The following CSMD1 variants were observed in gnomAD, a reference collection of about 807,000 sequenced individuals.
The protein encoded by CSMD1 is CUB and sushi domain-containing protein 1.
CSMD1 carries 213 observed loss-of-function variants against 417.5 expected under a neutral mutation model. The observed-to-expected ratio is 0.51, with a 90% CI of 0.46 to 0.57. The LOEUF is 0.57. Among genes scored for constraint, CSMD1 ranks in the 20% least tolerant of loss-of-function variants. The pLI, the probability that CSMD1 is intolerant of heterozygous loss-of-function variation, is 0.00. For missense variants in CSMD1, 6,923 were observed against 4,529.7 expected, an observed-to-expected ratio of 1.53 and a Z score of -15.17; for synonymous variants, 2,862 against 1,736.8, an observed-to-expected ratio of 1.65 and a Z score of -16.11.
intron 3 of CSMD1, among the ~76,000 whole-genome samples, chr8:4,051,878 T>TCC (rs61234365): frequency 0.061 from 2,025 of 33,346 alleles, 63 homozygotes; most frequent in African/African-American, 0.19. Context: ...CCTTCCTCCT[T>TCC]TCTTCCTTCC....
intron 26 of CSMD1, among the ~76,000 whole-genome samples, chr8:3,275,330 A>G (rs1429127119): frequency 2.0e-5 from 3 of 152,112 alleles, no homozygotes. Flanking sequence ...CTTTGAGGGT[A>G]ACCCAACCTT....
intron 7 of CSMD1, among the ~76,000 whole-genome samples, chr8:3,621,767 T>TTTA (rs568261003): frequency 0.013 from 1,919 of 150,734 alleles, 24 homozygotes; most frequent in African/African-American, 0.032. Context: ...TTATTATTAT[T>TTTA]TTATTATTAT....
At chr8:3,476,408 T>C (rs1817425505) in intron 11 of CSMD1, among the ~76,000 whole-genome samples, 1 of 152,216 alleles carries the variant, frequency 6.6e-6, no homozygotes, top group African/African-American at 2.4e-5. Flanking sequence ...ATAGAGTTAC[T>C]ATAAACATTC....
intron 26 of CSMD1, among the ~76,000 whole-genome samples, chr8:3,274,861 A>G (rs1802153806): frequency 6.6e-6 from 1 of 152,078 alleles, no homozygotes; most frequent in Non-Finnish European, 1.5e-5. Flanking sequence ...GTGCACACTG[A>G]TGGGTCTTGA....
chr8:4,386,507 T>G (rs552654103), intron 3 of CSMD1, among the ~76,000 whole-genome samples: 1 of 152,370 alleles, frequency 6.6e-6, no homozygotes, highest in African/African-American at 2.4e-5. Context: ...AGAATCTCAA[T>G]CCCATTGCTT....
chr8:3,492,128 A>C (rs1242197983), intron 11 of CSMD1, among the ~76,000 whole-genome samples: 2 of 152,316 alleles, frequency 1.3e-5, no homozygotes, highest in Non-Finnish European at 1.5e-5. Flanking sequence ...GAACTACTTA[A>C]GATCTTTAAC....
At chr8:4,595,200 T>C (rs1184256637) in intron 2 of CSMD1, among the ~76,000 whole-genome samples, 1 of 151,936 alleles carries the variant, frequency 6.6e-6, no homozygotes, top group African/African-American at 2.4e-5. Flanking sequence ...TCCTAAAATG[T>C]AGACACGTAG....
chr8:3,780,154 G>C (rs17067510), intron 5 of CSMD1, among the ~76,000 whole-genome samples: 3,478 of 152,248 alleles, frequency 0.023, 181 homozygotes, highest in East Asian at 0.15. Context: ...GTGAAACATA[G>C]TATGCACAAA....
chr8:4,020,432 T>G (rs11136691), intron 4 of CSMD1, among the ~76,000 whole-genome samples: 69,163 of 152,054 alleles, frequency 0.45, 16,699 homozygotes, highest in South Asian at 0.64. Flanking sequence ...ACTTTTTCTA[T>G]GCTCTATTGA....
intron 41 of CSMD1, among the ~76,000 whole-genome samples, chr8:3,140,275 G>A (rs928733996): frequency 6.6e-6 from 1 of 152,064 alleles, no homozygotes; most frequent in African/African-American, 2.4e-5. Context: ...TAGATGCACA[G>A]GCAAGCAGAT....
At chr8:4,017,039 G>C (rs1219877425) in intron 4 of CSMD1, among the ~76,000 whole-genome samples, 2 of 152,162 alleles carry the variant, frequency 1.3e-5, no homozygotes, top group African/African-American at 4.8e-5. Context: ...ACATCATAAA[G>C]GAACAAAAGC....
At chr8:3,573,913 G>A (rs1325680426) in intron 10 of CSMD1, among the ~76,000 whole-genome samples, 2 of 151,790 alleles carry the variant, frequency 1.3e-5, no homozygotes, top group Admixed American at 6.6e-5. Context: ...ATATGAAGAT[G>A]TCTACCTTAT....
chr8:3,933,865 C>T (rs1410356191), intron 5 of CSMD1, among the ~76,000 whole-genome samples: 2 of 151,998 alleles, frequency 1.3e-5, no homozygotes, highest in African/African-American at 2.4e-5. Context: ...CTATTTTTTT[C>T]ACATTTAACA....
Position 4,402,460 on chromosome 8 carries a change from C to A in CSMD1, c.415+17493G>T, listed in dbSNP as rs13256245. ...GACTGGAAGATAGCATGGAGCTAAGCTTCCTGGTCTCTCTGTATGTTCATG... is the reference window on the plus strand; with the variant it reads ...GACTGGAAGATAGCATGGAGCTAAGATTCCTGGTCTCTCTGTATGTTCATG... On this transcript the variant is annotated intron_variant, in intron 3 of 69. Transcript: ENST00000635120. 7.8e-3 allele frequency among the ~76,000 whole-genome samples: 1,189 copies of A among 152,272 alleles called. 4 individuals are homozygous for A. The highest frequency in any genetic ancestry group is 0.011 in the Admixed American group (172 of 15,290).
At chr8:4,656,514 G>T (rs116147136) in intron 1 of CSMD1, among the ~76,000 whole-genome samples, 2,802 of 152,124 alleles carry the variant, frequency 0.018, 97 homozygotes, top group African/African-American at 0.062. Context: ...ATCTTGCAGG[G>T]ATTCTGACAA....
intron 20 of CSMD1, among the ~76,000 whole-genome samples, chr8:3,361,795 A>G (rs759269304): frequency 6.6e-6 from 1 of 152,146 alleles, no homozygotes; most frequent in Non-Finnish European, 1.5e-5. Flanking sequence ...TTTTTACTAT[A>G]TATTGTAGTT....
At chr8:3,408,532 T>G (rs1224914358) in intron 13 of CSMD1, among the ~76,000 whole-genome samples, 1 of 147,428 alleles carries the variant, frequency 6.8e-6, no homozygotes, top group African/African-American at 2.7e-5. Context: ...TAGTTATAAT[T>G]TTCTGCCTTC....
At chr8:4,679,229 C>G (rs1393929583) in intron 1 of CSMD1, among the ~76,000 whole-genome samples, 3 of 152,156 alleles carry the variant, frequency 2.0e-5, no homozygotes, top group African/African-American at 4.8e-5. Flanking sequence ...ACACATGGCA[C>G]TGTTGCTTTC....
At chr8:4,899,217 A>C (rs1804703795) in intron 1 of CSMD1, among the ~76,000 whole-genome samples, 1 of 152,216 alleles carries the variant, frequency 6.6e-6, no homozygotes, top group South Asian at 2.1e-4. Context: ...ACATCATTTG[A>C]AGCAAATACT....
Sources: allele counts gnomAD v4.1 joint callset (sites outside exome capture counted in the v4.1 genomes callset), GRCh38; gene constraint gnomAD v4.1.1; transcripts MANE v1.5; gene names NCBI Gene and HGNC (gene_info 2026-07-23, HGNC 2026-07-21).